Variants in RGSL1 observed in about 807,000 individuals in gnomAD.
RGSL1 encodes regulator of G protein signaling protein-like.
Under a neutral mutation model 124.7 loss-of-function variants are expected in RGSL1, and 97 were observed. The observed-to-expected ratio is 0.78, with a 90% CI of 0.66 to 0.92. The LOEUF is 0.92. Among genes scored for constraint, RGSL1 ranks in the 40% least tolerant of loss-of-function variants. RGSL1 has a pLI of 0.00. For missense variants in RGSL1, 1,233 were observed against 1,288.4 expected (o/e 0.96, Z 0.66); for synonymous variants, 424 against 438.1 (o/e 0.97, Z 0.40).
Position 182,457,702 on chromosome 1 carries a change from G to A in RGSL1, c.97-617G>A, listed in dbSNP as rs373161660. ...TTGAAGACATTTTGTTGCCCATGAT[G>A]AGACTGCTTAAGTTTACATACCTGT... On this transcript the variant is annotated intron_variant, in intron 2 of 21. Coordinates refer to ENST00000294854, the MANE Select transcript of RGSL1 (RefSeq NM_001137669.2). Among the ~76,000 whole-genome samples, 8 of 152,164 alleles carry A rather than the reference G, an allele frequency of 5.3e-5. No homozygotes were observed. The East Asian group carries it at 1.2e-3, about 22-fold the overall frequency.
Position 182,536,563 on chromosome 1 carries a change from G to C in RGSL1, c.2495-3684G>C, listed in dbSNP as rs146676824. ...TCTGATGACTAATGATGTTGAGTAT[G>C]TGTTCATGTGCTTGCTTGACATATT... is the stretch of plus-strand genomic sequence containing the variant. On this transcript the variant is annotated intron_variant, in intron 14 of 21. Transcript: ENST00000294854. Among the ~76,000 whole-genome samples the C allele has an allele frequency of 3.7e-3, 562 of 152,292 alleles. 3 individuals carry two copies. The highest frequency in any genetic ancestry group is 0.013 in the African/African-American group (535 of 41,562).
chr1:182,527,798 TTC>T (rs1553270865), intron 11 of RGSL1, 26 bp downstream of exon 11: 13 of 1,525,996 alleles, frequency 8.5e-6, no homozygotes, highest in Non-Finnish European at 9.7e-6. Context: ...TGATCCTGTT[TTC>T]TCTCTCTCTT....
chr1:182,450,410 A>T, intron 1 of RGSL1: 1 of 578,974 alleles, frequency 1.7e-6, no homozygotes. Flanking sequence ...CTAAGGCAAG[A>T]GGGAGGAAGT....
intron 9 of RGSL1, among the ~76,000 whole-genome samples, chr1:182,514,991 T>C (rs1465557520): frequency 6.6e-6 from 1 of 152,184 alleles, no homozygotes; most frequent in Non-Finnish European, 1.5e-5. Context: ...GAAGTGTCCC[T>C]CATTTCCCTT....
chr1:182,452,481 C>T (rs1390870491), intron 1 of RGSL1, among the ~76,000 whole-genome samples: 2 of 150,176 alleles, frequency 1.3e-5, no homozygotes, highest in African/African-American at 4.9e-5. Context: ...GAGACAGAGT[C>T]TCACTCTGTC....
intron 14 of RGSL1, among the ~76,000 whole-genome samples, chr1:182,534,227 G>A (rs1659386590): frequency 1.3e-5 from 2 of 152,206 alleles, no homozygotes; most frequent in South Asian, 4.1e-4. Context: ...ATTCATTGCA[G>A]TAATTTAAAC....
chr1:182,482,394 C>T (rs1654775252), intron 6 of RGSL1, among the ~76,000 whole-genome samples: 1 of 147,010 alleles, frequency 6.8e-6, no homozygotes, highest in Non-Finnish European at 1.5e-5. Context: ...AGAAAGTAGA[C>T]AAGAAAAATA....
intron 13 of RGSL1, among the ~76,000 whole-genome samples, chr1:182,532,397 A>G (rs1659239700): frequency 1.3e-5 from 2 of 152,114 alleles, no homozygotes; most frequent in South Asian, 4.1e-4. Context: ...TTCACTGTTG[A>G]AAGGCTTTGG....
intron 6 of RGSL1, among the ~76,000 whole-genome samples, chr1:182,481,772 G>T (rs1359263220): frequency 1.3e-5 from 2 of 152,064 alleles, no homozygotes; most frequent in Non-Finnish European, 2.9e-5. Flanking sequence ...TTGAGCCCAG[G>T]AGTTCAAGAC....
intron 15 of RGSL1, among the ~76,000 whole-genome samples, chr1:182,543,684 G>A (rs1262050477): frequency 1.3e-5 from 2 of 151,750 alleles, no homozygotes; most frequent in East Asian, 1.9e-4. Context: ...TTTCTTTGAC[G>A]GGAAACTTAT....
Position 182,457,078 on chromosome 1 carries a change from C to T in RGSL1, c.97-1241C>T, listed in dbSNP as rs369793205. Among the ~76,000 whole-genome samples, 87 of 152,112 alleles carry T rather than the reference C, an allele frequency of 5.7e-4. No homozygotes were observed. In the South Asian group the frequency reaches 0.016, roughly 28 times the overall value. On this transcript the variant is annotated intron_variant, in intron 2 of 21. Coordinates refer to ENST00000294854, the MANE Select transcript of RGSL1 (RefSeq NM_001137669.2). The stretch of plus-strand genomic sequence containing the variant: ...AGGAGAATCACTTGAACACAGGAGG[C>T]GGAGGTTGCAGTGAGCCGAGATCAT...
chr1:182,542,091 A>G (rs771240282), intron 15 of RGSL1, among the ~76,000 whole-genome samples: 1 of 151,990 alleles, frequency 6.6e-6, no homozygotes, highest in Non-Finnish European at 1.5e-5. Flanking sequence ...GATGTGATCC[A>G]TTTGTGTGTT....
At chr1:182,470,488 G>C (rs1383472372) in intron 4 of RGSL1, among the ~76,000 whole-genome samples, 1 of 152,026 alleles carries the variant, frequency 6.6e-6, no homozygotes, top group Admixed American at 6.6e-5. Flanking sequence ...TACCCAGAAT[G>C]CTCTTTCCGT....
At position 182,556,232 on chromosome 1, in the gene RGSL1, G is replaced by T; in HGVS notation, c.*165+10G>T. 1.6e-6 allele frequency: 1 copy of T among 626,406 alleles called. No individual in the cohort carries two copies. Among genetic ancestry groups the T allele is most frequent in the Non-Finnish European group, 2.8e-6 (1 of 356,126 alleles). 38.8% of individuals were successfully genotyped at this position (626,406 alleles called of 1,614,324 possible). On this transcript the variant is annotated intron_variant, in intron 21 of 21. Transcript: ENST00000294854. ...GACCAGACTGCAATGGGTAAGACTT[G>T]GGCAGAGCATGAGAGGAAGCGCATC...
At chr1:182,448,164 T>G (rs1651586534), upstream of RGSL1, 1 of 152,412 alleles carries the variant, frequency 6.6e-6, no homozygotes, top group South Asian at 2.1e-4. Flanking sequence ...ATCTGAGATG[T>G]GAATGCAGCT....
intron 9 of RGSL1, among the ~76,000 whole-genome samples, chr1:182,497,236 T>A (rs568310658): frequency 0.041 from 6,197 of 150,152 alleles, 329 homozygotes; most frequent in African/African-American, 0.13. Context: ...GAAAGATAGA[T>A]AGATAGATAG....
intron 9 of RGSL1, among the ~76,000 whole-genome samples, chr1:182,513,294 C>T (rs1657604465): frequency 6.6e-6 from 1 of 152,164 alleles, no homozygotes; most frequent in South Asian, 2.1e-4. Flanking sequence ...ACCTAAGGGT[C>T]TCTGGCAAAA....
intron 9 of RGSL1, among the ~76,000 whole-genome samples, chr1:182,507,500 CTTAT>C (rs975602236): frequency 1.3e-5 from 2 of 152,168 alleles, no homozygotes; most frequent in Admixed American, 1.3e-4. Flanking sequence ...CTGTGCTTGG[CTTAT>C]TTCACGTAAC....
chr1:182,522,234 A>T, intron 10 of RGSL1, 125 bp downstream of exon 10: 2 of 676,778 alleles, frequency 3.0e-6, no homozygotes, highest in Non-Finnish European at 5.2e-6. Flanking sequence ...TATACAATAC[A>T]TACAGGTACA....
Sources: gnomAD v4.1 joint callset for allele counts (sites outside exome capture counted in the v4.1 genomes callset) on GRCh38, gnomAD v4.1.1 for gene constraint, MANE v1.5 for transcripts, NCBI Gene and HGNC (gene_info 2026-07-23, HGNC 2026-07-21) for gene names.